Variants in CNTNAP4 observed in about 807,000 individuals in gnomAD.
CNTNAP4 encodes contactin associated protein family member 4.
In CNTNAP4, 98 loss-of-function variants were observed where a neutral mutation model predicts 148.4. That is an observed-to-expected ratio of 0.66 (90% CI 0.56 to 0.78). CNTNAP4 has a LOEUF of 0.78. Ranked by LOEUF, CNTNAP4 falls within the 30% of genes least tolerant of loss-of-function variation. The probability of loss-of-function intolerance (pLI) is 0.00; values close to 1 mark genes in which losing one functional copy is unlikely to be tolerated. For missense variants in CNTNAP4, 1,935 were observed against 1,565.6 expected (o/e 1.24, Z -3.98); for synonymous variants, 730 against 565.1 (o/e 1.29, Z -4.14).
intron 2 of CNTNAP4, among the ~76,000 whole-genome samples, chr16:76,342,442 C>G (rs1468159586): frequency 6.7e-6 from 1 of 148,222 alleles, no homozygotes; most frequent in Non-Finnish European, 1.5e-5. Context: ...ATTATATTTC[C>G]TAAAATTATA....
chr16:76,334,446 T>A (rs1388877452), intron 2 of CNTNAP4, among the ~76,000 whole-genome samples: 1 of 152,174 alleles, frequency 6.6e-6, no homozygotes, highest in Non-Finnish European at 1.5e-5. Flanking sequence ...TTACGTTCAC[T>A]CTTAATCCCC....
chr16:76,378,491 A>C (rs1243024236), intron 3 of CNTNAP4, among the ~76,000 whole-genome samples: 1 of 152,196 alleles, frequency 6.6e-6, no homozygotes, highest in Non-Finnish European at 1.5e-5. Flanking sequence ...TAGGTGTATA[A>C]GACCAGGATT....
At chr16:76,459,209 C>G (rs1364734894) in intron 8 of CNTNAP4, among the ~76,000 whole-genome samples, 1 of 152,162 alleles carries the variant, frequency 6.6e-6, no homozygotes, top group Admixed American at 6.5e-5. Context: ...AGAAATTTCT[C>G]TCTAAATGAG....
At chr16:76,503,876 T>G (rs1490898656) in intron 15 of CNTNAP4, among the ~76,000 whole-genome samples, 4 of 152,098 alleles carry the variant, frequency 2.6e-5, no homozygotes, top group South Asian at 2.1e-4. Context: ...TAAATGATAT[T>G]TTAAAAGTAC....
intron 2 of CNTNAP4, among the ~76,000 whole-genome samples, chr16:76,335,015 T>G (rs1179995323): frequency 6.6e-6 from 1 of 152,134 alleles, no homozygotes; most frequent in Admixed American, 6.5e-5. Flanking sequence ...TGGATCAGAA[T>G]GAGGCAAGCA....
intron 3 of CNTNAP4, among the ~76,000 whole-genome samples, chr16:76,409,961 T>G (rs759726800): frequency 7.2e-4 from 109 of 151,924 alleles, no homozygotes; most frequent in Non-Finnish European, 1.6e-4. Flanking sequence ...CTCTTCATCT[T>G]ACTTAATTTG....
chr16:76,529,346 T>C (rs2083874289), intron 17 of CNTNAP4, among the ~76,000 whole-genome samples: 1 of 152,150 alleles, frequency 6.6e-6, no homozygotes, highest in African/African-American at 2.4e-5. Context: ...TGCTAATCAG[T>C]GTATTGAACA....
At chr16:76,281,523 C>T (rs1267647086) in intron 1 of CNTNAP4, among the ~76,000 whole-genome samples, 1 of 152,036 alleles carries the variant, frequency 6.6e-6, no homozygotes, top group Non-Finnish European at 1.5e-5. Flanking sequence ...CACATAATAC[C>T]TGGTGCTTAC....
At position 76,545,219 on chromosome 16, in the gene CNTNAP4, A is replaced by G. The variant is rs577827736; in HGVS notation, c.3442+4429A>G. Reference sequence around the variant, plus strand: ...TTTTTTAATAATTAAAATGTCATAGACTGTCTTCAGTGCGTAGCATGACTT... The same window carrying G: ...TTTTTTAATAATTAAAATGTCATAGGCTGTCTTCAGTGCGTAGCATGACTT... On this transcript the variant is annotated intron_variant, in intron 21 of 23. Coordinates refer to ENST00000611870, the MANE Select transcript of CNTNAP4 (RefSeq NM_033401.5). Among the ~76,000 whole-genome samples, 62 of 152,294 alleles carry G rather than the reference A, an allele frequency of 4.1e-4. 1 individual carries two copies. The highest frequency in any genetic ancestry group is 4.1e-3 in the Admixed American group (62 of 15,306).
intron 1 of CNTNAP4, among the ~76,000 whole-genome samples, chr16:76,287,907 A>C (rs751457787): frequency 1.3e-5 from 2 of 152,218 alleles, no homozygotes; most frequent in Non-Finnish European, 2.9e-5. Flanking sequence ...TGTTAGGCAC[A>C]TCCAACATTA....
intron 1 of CNTNAP4, among the ~76,000 whole-genome samples, chr16:76,308,984 T>G (rs1960796817): frequency 6.6e-6 from 1 of 151,772 alleles, no homozygotes; most frequent in Non-Finnish European, 1.5e-5. Flanking sequence ...TTTTTTTTTT[T>G]TTTAAAGAGA....
intron 17 of CNTNAP4, among the ~76,000 whole-genome samples, chr16:76,530,352 C>T (rs1283987083): frequency 6.6e-6 from 1 of 152,164 alleles, no homozygotes; most frequent in African/African-American, 2.4e-5. Flanking sequence ...TTACGCACTT[C>T]TCCCATCCTT....
chr16:76,532,221 C>T (rs558877456), intron 17 of CNTNAP4, among the ~76,000 whole-genome samples: 4 of 152,162 alleles, frequency 2.6e-5, no homozygotes, highest in African/African-American at 9.7e-5. Flanking sequence ...TACAAGAAAA[C>T]GGATAAGTCT....
intron 3 of CNTNAP4, among the ~76,000 whole-genome samples, chr16:76,368,548 C>A (rs1308612252): frequency 6.6e-6 from 1 of 152,248 alleles, no homozygotes; most frequent in South Asian, 2.1e-4. Flanking sequence ...TGGAAACCAT[C>A]ATTCTCAGCA....
chr16:76,397,851 A>T (rs2078255087), intron 3 of CNTNAP4, among the ~76,000 whole-genome samples: 1 of 145,598 alleles, frequency 6.9e-6, no homozygotes, highest in East Asian at 2.0e-4. Context: ...TGCTAAAGGA[A>T]ACCTTAGAAT....
chr16:76,405,494 T>A (rs1824473824), intron 3 of CNTNAP4, among the ~76,000 whole-genome samples: 1 of 152,220 alleles, frequency 6.6e-6, no homozygotes, highest in South Asian at 2.1e-4. Context: ...GGAAGCTATT[T>A]TGTATTTTGT....
intron 17 of CNTNAP4, among the ~76,000 whole-genome samples, chr16:76,530,960 C>CA (rs1300379042): frequency 6.6e-6 from 1 of 152,166 alleles, no homozygotes; most frequent in Non-Finnish European, 1.5e-5. Flanking sequence ...GTCCTGGGCC[C>CA]AGCCTGCATG....
chr16:76,277,795 A>G, intron 1 of CNTNAP4, 48 bp downstream of exon 1: 2 of 1,152,424 alleles, frequency 1.7e-6, no homozygotes, highest in Non-Finnish European at 2.6e-6. Flanking sequence ...GCTCTCTGCA[A>G]AACTTTGATT....
chr16:76,283,665 G>C (rs768911751), intron 1 of CNTNAP4, among the ~76,000 whole-genome samples: 1 of 152,052 alleles, frequency 6.6e-6, no homozygotes, highest in South Asian at 2.1e-4. Context: ...TTGGAGGATG[G>C]AGAGTGGGAG....
Sources: gnomAD v4.1 joint callset for allele counts (sites outside exome capture counted in the v4.1 genomes callset) on GRCh38, gnomAD v4.1.1 for gene constraint, MANE v1.5 for transcripts, NCBI Gene and HGNC (gene_info 2026-07-23, HGNC 2026-07-21) for gene names.